The following CEP85L variants were observed in gnomAD, a reference collection of about 807,000 sequenced individuals.
CEP85L encodes centrosomal protein of 85 kDa-like.
In CEP85L, 60 loss-of-function variants were observed where a neutral mutation model predicts 100.3. The observed-to-expected ratio is 0.60, with a 90% CI of 0.49 to 0.74. The LOEUF (loss-of-function observed/expected upper bound fraction) is 0.74. CEP85L is among the 30% of genes least tolerant of loss of function. CEP85L has a pLI of 0.00. For missense variants in CEP85L, 973 were observed against 936.2 expected (o/e 1.04, Z -0.51); for synonymous variants, 319 against 322.7 (o/e 0.99, Z 0.12).
At chr6:118,600,310 T>C (rs1246129504) in intron 2 of CEP85L, among the ~76,000 whole-genome samples, 2 of 66,218 alleles carry the variant, frequency 3.0e-5, no homozygotes. Flanking sequence ...GGTGTGTGTG[T>C]GTGTGTGTGT....
Position 118,577,152 on chromosome 6 carries a change from C to T in CEP85L, c.233-10836G>A, listed in dbSNP as rs367915423. ...TATCAATTTCACCTCGTGTCTCTCACGGCAAGGGGAAAATTTGGCATTCCT... is the reference window on the plus strand; with the variant it reads ...TATCAATTTCACCTCGTGTCTCTCATGGCAAGGGGAAAATTTGGCATTCCT... On this transcript the variant is annotated intron_variant, in intron 2 of 12. Transcript: ENST00000368491. 9.9e-5 allele frequency among the ~76,000 whole-genome samples: 15 copies of T among 152,282 alleles called. No individual in the cohort carries two copies. In the East Asian group the frequency reaches 1.7e-3, roughly 18 times the overall value.
At chr6:118,605,693 C>T (rs1366786315) in intron 2 of CEP85L, among the ~76,000 whole-genome samples, 3 of 151,274 alleles carry the variant, frequency 2.0e-5, no homozygotes, top group Admixed American at 6.6e-5. Flanking sequence ...CAGAAGTTAT[C>T]TTAGGGCCTC....
In CEP85L at chr6:118,523,840, T is replaced by C. The variant is rs1221779261; in HGVS notation, c.1101A>G (p.Lys367=). The part of the protein sequence containing the change: ...FSKWESMLKI[K]EGLLRQKEIV... ...TTTCTTTCTGCCTTAGAAGTCCTTC[T>C]TTTATTTTCAACATTGATTCCCACT... Residue 367 remains lysine, a synonymous_variant, in exon 4 of 13, where the codon AAA becomes AAG. Coordinates refer to ENST00000368491, the MANE Select transcript of CEP85L (RefSeq NM_001042475.3). 6 of 1,601,258 alleles carry C rather than the reference T, an allele frequency of 3.7e-6. No individual in the cohort carries two copies. The highest frequency in any genetic ancestry group is 1.3e-5 in the African/African-American group (1 of 74,688).
chr6:118,691,391 G>A (rs542660773), intron 1 of CEP85L, among the ~76,000 whole-genome samples: 2 of 152,252 alleles, frequency 1.3e-5, no homozygotes, highest in African/African-American at 4.8e-5. Flanking sequence ...AAATTAGCCA[G>A]ATGTGGCGGT....
chr6:118,666,801 A>G (rs928929763), intron 1 of CEP85L, among the ~76,000 whole-genome samples: 5 of 151,812 alleles, frequency 3.3e-5, no homozygotes, highest in African/African-American at 1.2e-4. Flanking sequence ...CTACTGTGTG[A>G]GAGTTCAGTC....
chr6:118,509,602 C>G (rs1186885024), intron 5 of CEP85L, among the ~76,000 whole-genome samples: 1 of 151,966 alleles, frequency 6.6e-6, no homozygotes, highest in Non-Finnish European at 1.5e-5. Flanking sequence ...ATACCAATGT[C>G]TCTAGTATTT....
chr6:118,643,825 C>A (rs549460156), intron 1 of CEP85L, among the ~76,000 whole-genome samples: 1 of 152,256 alleles, frequency 6.6e-6, no homozygotes, highest in East Asian at 1.9e-4. Flanking sequence ...TTCTGAGGGG[C>A]GAGAACACTG....
intron 2 of CEP85L, among the ~76,000 whole-genome samples, chr6:118,631,219 T>TA (rs1261263475): frequency 6.6e-6 from 1 of 152,152 alleles, no homozygotes; most frequent in African/African-American, 2.4e-5. Flanking sequence ...CCTGCTGCTC[T>TA]AAAAAAACTG....
intron 1 of CEP85L, among the ~76,000 whole-genome samples, chr6:118,700,390 C>T (rs932754015): frequency 5.3e-5 from 8 of 152,202 alleles, no homozygotes; most frequent in Non-Finnish European, 1.2e-4. Context: ...CTCAAGAGAG[C>T]AAATAATTTA....
rs1772254139 is a variant in CEP85L at position 118,461,928 on chromosome 6, A to G, written c.*3477T>C. The G allele has an allele frequency of 6.6e-6, 1 of 152,074 alleles. No homozygotes were observed. The highest frequency in any genetic ancestry group is 2.4e-5 in the African/African-American group (1 of 41,446). The allele number at this position is 152,074 out of a possible 1,614,324, so 9.4% of individuals were successfully genotyped here. The stretch of plus-strand genomic sequence containing the variant: ...TGTGCCTAAGCTGAACTATGCTGTG[A>G]AAATATAGTCCATGTTCTTAGCTAC... On this transcript the variant is annotated 3_prime_UTR_variant, in exon 13 of 13. Transcript: ENST00000368491.
intron 1 of CEP85L, among the ~76,000 whole-genome samples, chr6:118,687,615 C>G (rs1776877582): frequency 6.6e-6 from 1 of 152,208 alleles, no homozygotes; most frequent in African/African-American, 2.4e-5. Context: ...GATATAAACC[C>G]AGGCATTCGA....
At chr6:118,491,113 C>T (rs976686079) in intron 6 of CEP85L, among the ~76,000 whole-genome samples, 5 of 151,764 alleles carry the variant, frequency 3.3e-5, no homozygotes, top group African/African-American at 9.7e-5. Context: ...CTGTTCTCCA[C>T]GCTGTTTTCC....
In CEP85L at chr6:118,556,546, C is replaced by T. The variant is rs577981317; in HGVS notation, c.1020+8983G>A. On this transcript the variant is annotated intron_variant, in intron 3 of 12. Transcript: ENST00000368491. ...CTAGTCATGCCTGATACTTACCTTC[C>T]CCTTTGCCATTCTTTCAGCACTTCC... Among the ~76,000 whole-genome samples the T allele has an allele frequency of 4.6e-5, 7 of 152,262 alleles. No homozygotes were observed. In the South Asian group the frequency reaches 1.5e-3, roughly 32 times the overall value.
intron 3 of CEP85L, among the ~76,000 whole-genome samples, chr6:118,534,397 A>T (rs1777467635): frequency 1.3e-5 from 2 of 152,194 alleles, no homozygotes. Context: ...TCACACCTGT[A>T]ATCCCAGCAC....
chr6:118,482,040 A>C, intron 7 of CEP85L, 107 bp from the exon 8 acceptor site: 1 of 599,790 alleles, frequency 1.7e-6, no homozygotes, highest in East Asian at 3.4e-5. Flanking sequence ...GCTAAAAAAA[A>C]AAAAAAAAAA....
At chr6:118,517,362 T>C (rs1776342501) in intron 4 of CEP85L, among the ~76,000 whole-genome samples, 1 of 152,234 alleles carries the variant, frequency 6.6e-6, no homozygotes, top group Non-Finnish European at 1.5e-5. Context: ...ATATTGATTA[T>C]CCCTATCCAT....
intron 2 of CEP85L, among the ~76,000 whole-genome samples, chr6:118,593,396 C>T (rs945731421): frequency 1.3e-5 from 2 of 150,764 alleles, no homozygotes; most frequent in African/African-American, 4.9e-5. Flanking sequence ...AAATATCGAG[C>T]CTGAGGTTTT....
upstream of CEP85L, chr6:118,652,730 G>A (rs1775637217): frequency 2.6e-6 from 4 of 1,545,584 alleles, no homozygotes; most frequent in South Asian, 4.8e-5. Flanking sequence ...TCTGATTGGA[G>A]TTTTACATTT....
chr6:118,641,690 T>C (rs910350521), intron 1 of CEP85L, among the ~76,000 whole-genome samples: 1 of 152,122 alleles, frequency 6.6e-6, no homozygotes, highest in Admixed American at 6.5e-5. Context: ...ACAAAATGGA[T>C]TTGTGGCTCT....
Sources: gnomAD v4.1 joint callset for allele counts (sites outside exome capture counted in the v4.1 genomes callset) on GRCh38, gnomAD v4.1.1 for gene constraint, MANE v1.5 for transcripts, NCBI Gene and HGNC (gene_info 2026-07-23, HGNC 2026-07-21) for gene names.